Variants in PTPDC1 observed in about 807,000 individuals in gnomAD.
PTPDC1 encodes protein tyrosine phosphatase domain-containing protein 1.
In PTPDC1, 53 loss-of-function variants were observed where a neutral mutation model predicts 75.3. The observed-to-expected ratio is 0.70, with a 90% CI of 0.56 to 0.88. The LOEUF (loss-of-function observed/expected upper bound fraction) is 0.88. Among genes scored for constraint, PTPDC1 ranks in the 40% least tolerant of loss-of-function variants. PTPDC1 has a pLI of 0.00. For missense variants in PTPDC1, 925 were observed against 998.6 expected, an observed-to-expected ratio of 0.93 and a Z score of 0.99; for synonymous variants, 349 against 366.2, an observed-to-expected ratio of 0.95 and a Z score of 0.54.
At chr9:94,073,251 C>A (rs777250819) in intron 2 of PTPDC1, among the ~76,000 whole-genome samples, 1 of 152,136 alleles carries the variant, frequency 6.6e-6, no homozygotes, top group Non-Finnish European at 1.5e-5. Context: ...TGGTAGTTGG[C>A]AGTGTTCAAG....
At chr9:94,032,656 A>G (rs191578097) in intron 1 of PTPDC1, among the ~76,000 whole-genome samples, 51 of 152,226 alleles carry the variant, frequency 3.4e-4, no homozygotes, top group Middle Eastern at 3.4e-3. Flanking sequence ...ACTAGGTTCA[A>G]GGCATTTATT....
At chr9:94,070,801 TA>T (rs1173034734) in intron 2 of PTPDC1, among the ~76,000 whole-genome samples, 2 of 152,218 alleles carry the variant, frequency 1.3e-5, no homozygotes, top group Non-Finnish European at 2.9e-5. Context: ...TCAGTCAGCC[TA>T]ATTCCTTTGA....
At chr9:94,099,565 A>G (rs1827761141) in intron 6 of PTPDC1, among the ~76,000 whole-genome samples, 1 of 152,234 alleles carries the variant, frequency 6.6e-6, no homozygotes, top group South Asian at 2.1e-4. Flanking sequence ...GGAGGAGAGA[A>G]CTTTTGATAA....
intron 2 of PTPDC1, among the ~76,000 whole-genome samples, chr9:94,079,373 G>A (rs1564023609): frequency 1.3e-5 from 2 of 152,330 alleles, no homozygotes; most frequent in East Asian, 3.9e-4. Context: ...CACACCAGCT[G>A]TTGGGTTCCA....
At chr9:94,031,214 G>T (rs1829719939) in intron 1 of PTPDC1, 1 of 152,096 alleles carries the variant, frequency 6.6e-6, no homozygotes, top group Admixed American at 6.5e-5. Context: ...TAAGTGATGC[G>T]TGGTGGAGGC....
At chr9:94,041,367 G>C (rs1825423924) in intron 1 of PTPDC1, among the ~76,000 whole-genome samples, 1 of 152,136 alleles carries the variant, frequency 6.6e-6, no homozygotes, top group South Asian at 2.1e-4. Flanking sequence ...ACAGACTCCT[G>C]CTAATTACTT....
At chr9:94,046,706 A>T (rs1247870658) in intron 1 of PTPDC1, among the ~76,000 whole-genome samples, 2 of 152,180 alleles carry the variant, frequency 1.3e-5, no homozygotes, top group African/African-American at 4.8e-5. Context: ...GTATCCTGAG[A>T]CTTTGCTGAA....
upstream of PTPDC1, among the ~76,000 whole-genome samples, chr9:94,082,529 A>G (rs1826917804): frequency 6.6e-6 from 1 of 152,202 alleles, no homozygotes; most frequent in Admixed American, 6.5e-5. Flanking sequence ...CATATTTGTC[A>G]TGATCAGTAT....
intron 1 of PTPDC1, among the ~76,000 whole-genome samples, chr9:94,052,478 G>T (rs551753106): frequency 2.0e-5 from 3 of 152,188 alleles, no homozygotes; most frequent in Non-Finnish European, 4.4e-5. Context: ...AGTTGATAGT[G>T]CTGTTCAAGT....
chr9:94,081,467 G>A (rs1265864456), upstream of PTPDC1, among the ~76,000 whole-genome samples: 3 of 152,106 alleles, frequency 2.0e-5, no homozygotes, highest in African/African-American at 7.2e-5. Flanking sequence ...ATTCAAGGCT[G>A]CAGTGAGCTA....
In PTPDC1 at chr9:94,096,534, T is replaced by C. The variant is rs189429152; in HGVS notation, c.755-787T>C. The stretch of plus-strand genomic sequence containing the variant: ...TTTTACTTTAATATTAATTGACTGT[T>C]ATATTTGAATTAATTTATTAATTAT... On this transcript the variant is annotated intron_variant, in intron 5 of 8. Transcript: ENST00000620992. Among the ~76,000 whole-genome samples the C allele has an allele frequency of 7.2e-4, 110 of 152,312 alleles. 1 individual carries two copies. Among genetic ancestry groups the C allele is most frequent in the Non-Finnish European group, 1.5e-3 (100 of 68,024 alleles).
At chr9:94,076,005 G>A (rs1025570318) in intron 2 of PTPDC1, among the ~76,000 whole-genome samples, 1 of 151,978 alleles carries the variant, frequency 6.6e-6, no homozygotes, top group African/African-American at 2.4e-5. Context: ...TTGTTTGTTT[G>A]TTTGTTTTTT....
At chr9:94,081,191 T>C (rs1200630745), upstream of PTPDC1, among the ~76,000 whole-genome samples, 1 of 152,110 alleles carries the variant, frequency 6.6e-6, no homozygotes, top group African/African-American at 2.4e-5. Context: ...GGTTTCACCA[T>C]GTTGGCCAGG....
At chr9:94,072,176 T>C (rs1347283718) in intron 2 of PTPDC1, among the ~76,000 whole-genome samples, 3 of 152,092 alleles carry the variant, frequency 2.0e-5, no homozygotes, top group Non-Finnish European at 4.4e-5. Flanking sequence ...CCCAGCTAAT[T>C]TTTGTATTTT....
chr9:94,045,717 T>G (rs1825575638), intron 1 of PTPDC1, among the ~76,000 whole-genome samples: 1 of 152,348 alleles, frequency 6.6e-6, no homozygotes, highest in African/African-American at 2.4e-5. Context: ...TAAATTTGTT[T>G]GAGTTCATTG....
At chr9:94,079,877 C>A (rs1204915016), upstream of PTPDC1, among the ~76,000 whole-genome samples, 1 of 152,188 alleles carries the variant, frequency 6.6e-6, no homozygotes, top group Non-Finnish European at 1.5e-5. Flanking sequence ...AGTGTGGAAT[C>A]TTTGACCTAC....
chr9:94,077,264 C>T (rs1826727678), intron 2 of PTPDC1, among the ~76,000 whole-genome samples: 1 of 152,168 alleles, frequency 6.6e-6, no homozygotes, highest in Non-Finnish European at 1.5e-5. Flanking sequence ...TTTCCACACA[C>T]CAAACAAGCA....
At chr9:94,037,158 A>G (rs1825297100) in intron 1 of PTPDC1, among the ~76,000 whole-genome samples, 1 of 152,208 alleles carries the variant, frequency 6.6e-6, no homozygotes, top group Non-Finnish European at 1.5e-5. Flanking sequence ...CCTTATAAAG[A>G]CTAATTCAAC....
At chr9:94,060,445 C>T (rs544708280) in intron 1 of PTPDC1, among the ~76,000 whole-genome samples, 8 of 152,138 alleles carry the variant, frequency 5.3e-5, no homozygotes, top group Admixed American at 4.6e-4. Context: ...TAATTGTAAC[C>T]CAGAAGAGGA....
Sources: gnomAD v4.1 joint callset for allele counts (sites outside exome capture counted in the v4.1 genomes callset) on GRCh38, gnomAD v4.1.1 for gene constraint, MANE v1.5 for transcripts, NCBI Gene and HGNC (gene_info 2026-07-23, HGNC 2026-07-21) for gene names.